The following ASAP1 variants were observed in gnomAD, a reference collection of about 807,000 sequenced individuals.
ASAP1 encodes the protein arf-GAP with SH3 domain, ANK repeat and PH domain-containing protein 1.
Under a neutral mutation model 145.2 loss-of-function variants are expected in ASAP1, and 43 were observed. The ratio of observed to expected loss-of-function variants is 0.30; its 90% CI spans 0.23 to 0.38. The LOEUF is 0.38. ASAP1 is among the 10% of genes least tolerant of loss of function. ASAP1 has a pLI of 1.00. For synonymous variants in ASAP1, 546 were observed against 515.5 expected (o/e 1.06, Z -0.80); for missense variants, 1,018 against 1,355.3 (o/e 0.75, Z 3.91).
chr8:130,105,970 T>C (rs969981523), intron 24 of ASAP1, among the ~76,000 whole-genome samples: 3 of 152,302 alleles, frequency 2.0e-5, no homozygotes, highest in Non-Finnish European at 4.4e-5. Context: ...AATTAACTCA[T>C]CCACCCCTGA....
chr8:130,237,498 G>GT (rs1565122401), intron 3 of ASAP1, among the ~76,000 whole-genome samples: 1 of 150,470 alleles, frequency 6.6e-6, no homozygotes, highest in Non-Finnish European at 1.5e-5. Flanking sequence ...TTCTTTTAGT[G>GT]TTAAAAAAAA....
chr8:130,152,327 T>C (rs74613124), intron 13 of ASAP1, among the ~76,000 whole-genome samples: 4,044 of 152,304 alleles, frequency 0.027, 65 homozygotes, highest in Middle Eastern at 0.044. Flanking sequence ...TTCTGTTGGT[T>C]TAAAAAGGGC....
At chr8:130,403,929 T>C (rs571292844) in intron 1 of ASAP1, among the ~76,000 whole-genome samples, 7 of 152,326 alleles carry the variant, frequency 4.6e-5, no homozygotes, top group African/African-American at 1.7e-4. Flanking sequence ...TTGTTCTCTC[T>C]GTCTGGAAGG....
At chr8:130,265,536 G>A (rs1005753624) in intron 3 of ASAP1, among the ~76,000 whole-genome samples, 4 of 149,458 alleles carry the variant, frequency 2.7e-5, no homozygotes, top group Non-Finnish European at 5.9e-5. Flanking sequence ...TGGTGCCACT[G>A]CACTCCAGCC....
At chr8:130,331,560 G>A (rs1824690359) in intron 3 of ASAP1, among the ~76,000 whole-genome samples, 1 of 152,114 alleles carries the variant, frequency 6.6e-6, no homozygotes, top group Non-Finnish European at 1.5e-5. Flanking sequence ...TATAGTGGAG[G>A]AAGTTACTTA....
intron 2 of ASAP1, among the ~76,000 whole-genome samples, chr8:130,394,504 C>T (rs527714866): frequency 3.3e-5 from 5 of 152,126 alleles, no homozygotes; most frequent in Admixed American, 6.5e-5. Flanking sequence ...AATGTCGTCC[C>T]GGTCCTGTGG....
chr8:130,080,827 T>A, intron 25 of ASAP1, among the ~76,000 whole-genome samples: 1 of 152,238 alleles, frequency 6.6e-6, no homozygotes, highest in African/African-American at 2.4e-5. Flanking sequence ...GAAACAGGGT[T>A]TCACCATGTT....
intron 3 of ASAP1, among the ~76,000 whole-genome samples, chr8:130,282,469 AG>A (rs1489779554): frequency 1.3e-5 from 2 of 152,230 alleles, no homozygotes; most frequent in Non-Finnish European, 2.9e-5. Flanking sequence ...AAACTGCTTA[AG>A]GTTCACCAAT....
chr8:130,224,433 T>C (rs1817473997), intron 4 of ASAP1, among the ~76,000 whole-genome samples: 1 of 152,166 alleles, frequency 6.6e-6, no homozygotes, highest in Non-Finnish European at 1.5e-5. Context: ...CAGAGAAATA[T>C]AAAGATAAAA....
At chr8:130,333,786 T>C (rs1178120765) in intron 3 of ASAP1, among the ~76,000 whole-genome samples, 2 of 152,216 alleles carry the variant, frequency 1.3e-5, no homozygotes, top group Non-Finnish European at 2.9e-5. Context: ...CATTTATTCA[T>C]TCAGTAGTAT....
In ASAP1 at chr8:130,054,200, C is replaced by T. The variant is rs902878367; in HGVS notation, c.*531G>A. The stretch of plus-strand genomic sequence containing the variant: ...AATAACACTTACATTTAACTGAGCA[C>T]TTTTCTGTAATAAATACCAAAGTAG... On this transcript the variant is annotated 3_prime_UTR_variant, in exon 30 of 30. Transcript: ENST00000518721. 1.3e-5 allele frequency: 2 copies of T among 154,254 alleles called. No homozygotes were observed. Among genetic ancestry groups the T allele is most frequent in the African/African-American group, 4.8e-5 (2 of 41,448 alleles). The allele number at this position is 154,254 out of a possible 1,614,324, so 9.6% of individuals were successfully genotyped here.
chr8:130,330,634 G>C (rs1428000909), intron 3 of ASAP1, among the ~76,000 whole-genome samples: 1 of 152,202 alleles, frequency 6.6e-6, no homozygotes, highest in Non-Finnish European at 1.5e-5. Flanking sequence ...AGCATTTAAG[G>C]TTTATATTGC....
At chr8:130,407,691 G>C (rs1045448231) in intron 1 of ASAP1, among the ~76,000 whole-genome samples, 2 of 152,194 alleles carry the variant, frequency 1.3e-5, no homozygotes, top group African/African-American at 2.4e-5. Flanking sequence ...TCTGTTCTAC[G>C]ACTTACAGTT....
At chr8:130,150,900 A>C (rs1006032057) in intron 13 of ASAP1, among the ~76,000 whole-genome samples, 1 of 152,062 alleles carries the variant, frequency 6.6e-6, no homozygotes, top group African/African-American at 2.4e-5. Context: ...AAACAAAAAC[A>C]TGGTAACTGA....
At chr8:130,225,731 G>C (rs1216774432) in intron 4 of ASAP1, among the ~76,000 whole-genome samples, 2 of 152,208 alleles carry the variant, frequency 1.3e-5, no homozygotes, top group Non-Finnish European at 2.9e-5. Flanking sequence ...TTCAAGGCAA[G>C]AGGTAGCAGC....
intron 4 of ASAP1, among the ~76,000 whole-genome samples, chr8:130,218,687 T>C (rs565740069): frequency 6.6e-6 from 1 of 152,214 alleles, no homozygotes; most frequent in East Asian, 1.9e-4. Context: ...CAATCTCATA[T>C]TTCACCCCCA....
intron 4 of ASAP1, among the ~76,000 whole-genome samples, chr8:130,228,514 A>C (rs1817716276): frequency 6.6e-6 from 1 of 152,074 alleles, no homozygotes; most frequent in East Asian, 1.9e-4. Flanking sequence ...CAGCCTGGGA[A>C]ACACGGCAAA....
In ASAP1 at chr8:130,156,175, G is replaced by C. The variant is rs7459933; in HGVS notation, c.1011-3370C>G. 4.4e-4 allele frequency among the ~76,000 whole-genome samples: 67 copies of C among 152,234 alleles called. 2 individuals are homozygous for C. In the South Asian group the frequency reaches 0.013, roughly 29 times the overall value. The stretch of plus-strand genomic sequence containing the variant: ...AGTAATAAAGAGCATTCCAAAGCTA[G>C]GGTCAAAAATTACCAACGCAAATAA... On this transcript the variant is annotated intron_variant, in intron 12 of 29. Transcript: ENST00000518721.
intron 1 of ASAP1, among the ~76,000 whole-genome samples, chr8:130,436,315 G>A (rs767216020): frequency 5.3e-5 from 8 of 152,320 alleles, no homozygotes; most frequent in Non-Finnish European, 1.2e-4. Context: ...TTTCTTTTGA[G>A]ACATGGTCTT....
Sources: allele counts gnomAD v4.1 joint callset (sites outside exome capture counted in the v4.1 genomes callset), GRCh38; gene constraint gnomAD v4.1.1; transcripts MANE v1.5; gene names NCBI Gene and HGNC (gene_info 2026-07-23, HGNC 2026-07-21).